The following VWA5A variants were observed in gnomAD, a reference collection of about 807,000 sequenced individuals.
VWA5A encodes von Willebrand factor A domain-containing protein 5A.
Under a neutral mutation model 84.6 loss-of-function variants are expected in VWA5A, and 77 were observed. The observed-to-expected ratio is 0.91, with a 90% CI of 0.76 to 1.10. The LOEUF (loss-of-function observed/expected upper bound fraction) is 1.10, where lower values mean the gene tolerates loss of function less well. Among genes scored for constraint, VWA5A ranks in the 50% least tolerant of loss-of-function variants. The pLI is 0.00. For synonymous variants in VWA5A, 334 were observed against 350.1 expected, an observed-to-expected ratio of 0.95 and a Z score of 0.51; for missense variants, 973 against 963.0, an observed-to-expected ratio of 1.01 and a Z score of -0.14.
At chr11:124,120,018 T>TA (rs1864905888) in intron 7 of VWA5A, among the ~76,000 whole-genome samples, 1 of 152,124 alleles carries the variant, frequency 6.6e-6, no homozygotes, top group African/African-American at 2.4e-5. Context: ...CTTTTCGAGA[T>TA]ATAATATATG....
chr11:124,135,126 A>T, intron 12 of VWA5A, 92 bp downstream of exon 12: 2 of 1,026,064 alleles, frequency 1.9e-6, no homozygotes, highest in Admixed American at 5.0e-5. Context: ...CAGGGGTAGC[A>T]ACTTTCCTCC....
intron 2 of VWA5A, among the ~76,000 whole-genome samples, chr11:124,117,116 G>A (rs974914409): frequency 1.3e-5 from 2 of 152,172 alleles, no homozygotes; most frequent in Non-Finnish European, 2.9e-5. Context: ...TACGATGTGT[G>A]GATATTATAC....
At chr11:124,141,510 G>C in intron 15 of VWA5A, 88 bp from the exon 16 acceptor site, 1 of 1,508,738 alleles carries the variant, frequency 6.6e-7, no homozygotes, top group Admixed American at 1.8e-5. Context: ...CAGTGTGGAT[G>C]GGGGGGTATG....
intron 10 of VWA5A, 86 bp downstream of exon 10, chr11:124,123,890 G>A: frequency 6.8e-7 from 1 of 1,468,960 alleles, no homozygotes; most frequent in Non-Finnish European, 9.0e-7. Flanking sequence ...GCAGTATGTT[G>A]AAATATAGTT....
chr11:124,126,906 C>T (rs1306278767), intron 11 of VWA5A, among the ~76,000 whole-genome samples: 1 of 152,176 alleles, frequency 6.6e-6, no homozygotes, highest in East Asian at 1.9e-4. Context: ...TATATAAACA[C>T]TTATGCACTC....
At chr11:124,123,895 A>T in intron 10 of VWA5A, 91 bp downstream of exon 10, 3 of 1,452,504 alleles carry the variant, frequency 2.1e-6, no homozygotes, top group Non-Finnish European at 2.7e-6. Flanking sequence ...ATGTTGAAAT[A>T]TAGTTTGCAA....
intron 11 of VWA5A, chr11:124,124,772 CT>C (rs1368336058): frequency 1.9e-5 from 3 of 156,924 alleles, no homozygotes; most frequent in Non-Finnish European, 4.1e-5. Context: ...TAAAACTTTC[CT>C]GACTTACAAT....
At chr11:124,141,839 G>C (rs974865163) in intron 16 of VWA5A, 98 bp downstream of exon 16, 3 of 1,473,576 alleles carry the variant, frequency 2.0e-6, no homozygotes, top group Non-Finnish European at 1.8e-6. Flanking sequence ...TATGACAAGA[G>C]ATGCATGTTT....
At position 124,118,614 on chromosome 11, in the gene VWA5A, C is replaced by T. The variant is rs1275390924; in HGVS notation, c.551C>T (p.Ala184Val). Residue 184 changes from alanine (A) to valine (V), a missense_variant, in exon 6 of 19, where the codon GCC becomes GTC. Physicochemically the swap from Ala to Val is moderately conservative, Grantham distance 64 (BLOSUM62 0). Transcript: ENST00000456829. ...CTGCCCTACACACTCAGCATGGTCG[C>T]CACCATAGATTCCCAGCATGGCATT... is the stretch of plus-strand genomic sequence containing the variant. ...EDLPYTLSMV[A>V]TIDSQHGIEK... The T allele has an allele frequency of 6.2e-7, 1 of 1,614,148 alleles. No homozygotes were observed.
chr11:124,130,062 T>C (rs1045324912), intron 11 of VWA5A, among the ~76,000 whole-genome samples: 2 of 152,196 alleles, frequency 1.3e-5, no homozygotes, highest in Non-Finnish European at 2.9e-5. Flanking sequence ...TTCTATTTAA[T>C]TGTGATGTTA....
chr11:124,146,140 C>A lies in VWA5A; in HGVS notation c.*195C>A. The A allele has an allele frequency of 3.7e-6, 2 of 535,854 alleles. No individual in the cohort carries two copies. The highest frequency in any genetic ancestry group is 6.5e-6 in the Non-Finnish European group (2 of 309,400). 33.2% of individuals were successfully genotyped at this position (535,854 alleles called of 1,614,324 possible). A position where few individuals can be genotyped will look rare whatever the true frequency, so the allele number is the denominator to read the frequency against. On this transcript the variant is annotated 3_prime_UTR_variant, in exon 19 of 19. Coordinates refer to ENST00000456829, the MANE Select transcript of VWA5A (RefSeq NM_001130142.2). ...GATCTTTCTTTTCCCAACATATGCC[C>A]TCAGAAAAGTGACAGTGGTCCCAGA...
At position 124,118,192 on chromosome 11, in the gene VWA5A, C is replaced by T. The variant is rs144358960; in HGVS notation, c.250C>T (p.Arg84Cys). 78 of 1,613,538 alleles carry T rather than the reference C, an allele frequency of 4.8e-5. No homozygotes were observed. The highest frequency in any genetic ancestry group is 1.8e-4 in the East Asian group (8 of 44,878). The change falls in exon 5 of 19, where the codon CGC (arginine) becomes TGC (cysteine). Residue 84 changes from arginine (R) to cysteine (C), a missense_variant. Physicochemically the swap from Arg to Cys is radical, Grantham distance 180. Coordinates refer to ENST00000456829, the MANE Select transcript of VWA5A (RefSeq NM_001130142.2). ...TCCCTCGCCCTGTGCTTCTCAGGCC[C>T]GCACCAACTATGAGAAAGCCATCTC... is the stretch of plus-strand genomic sequence containing the variant. ...VAELQDKMKARTNYEKAISQG... is the reference protein window; with the variant it reads ...VAELQDKMKACTNYEKAISQG...
chr11:124,134,214 G>A (rs1865139132), intron 11 of VWA5A, among the ~76,000 whole-genome samples: 1 of 152,166 alleles, frequency 6.6e-6, no homozygotes, highest in Non-Finnish European at 1.5e-5. Flanking sequence ...GTAGAGCATT[G>A]ATCCTAATGC....
chr11:124,123,581 G>A (rs1864967993), intron 9 of VWA5A, 79 bp from the exon 10 acceptor site: 1 of 1,611,366 alleles, frequency 6.2e-7, no homozygotes, highest in African/African-American at 1.3e-5. Context: ...TCTTTTAATG[G>A]GGGTTTCTCA....
chr11:124,117,330 C>T (rs1864847151), intron 2 of VWA5A, 167 bp from the exon 3 acceptor site: 2 of 673,420 alleles, frequency 3.0e-6, no homozygotes, highest in Non-Finnish European at 5.2e-6. Flanking sequence ...TTAAAAGGAC[C>T]CTTATGACTG....
At chr11:124,140,329 G>A (rs1860701211) in intron 15 of VWA5A, among the ~76,000 whole-genome samples, 1 of 152,100 alleles carries the variant, frequency 6.6e-6, no homozygotes, top group Non-Finnish European at 1.5e-5. Context: ...CTTGATGGAA[G>A]CAAGCTGACA....
chr11:124,131,133 G>T (rs890680243), intron 11 of VWA5A, among the ~76,000 whole-genome samples: 2 of 151,558 alleles, frequency 1.3e-5, no homozygotes, highest in African/African-American at 4.8e-5. Context: ...TGAAACTGTG[G>T]ATACTATACC....
At chr11:124,133,622 G>A (rs1281711891) in intron 11 of VWA5A, among the ~76,000 whole-genome samples, 2 of 152,170 alleles carry the variant, frequency 1.3e-5, no homozygotes, top group Non-Finnish European at 2.9e-5. Context: ...TTTTAAGTCA[G>A]AAGTCATTGA....
chr11:124,135,531 T>C (rs1865163842), intron 12 of VWA5A, among the ~76,000 whole-genome samples: 1 of 138,628 alleles, frequency 7.2e-6, no homozygotes, highest in Non-Finnish European at 1.6e-5. Flanking sequence ...TCTTTTTTTT[T>C]TTTTTTTTTT....
Sources: gnomAD v4.1 joint callset for allele counts (sites outside exome capture counted in the v4.1 genomes callset) on GRCh38, gnomAD v4.1.1 for gene constraint, MANE v1.5 for transcripts, NCBI Gene and HGNC (gene_info 2026-07-23, HGNC 2026-07-21) for gene names.